The following GABBR2 variants were observed in gnomAD, a reference collection of about 807,000 sequenced individuals.
The protein encoded by GABBR2 is gamma-aminobutyric acid type B receptor subunit 2.
In GABBR2, 23 loss-of-function variants were observed where a neutral mutation model predicts 105.6. That is an observed-to-expected ratio of 0.22 (90% CI 0.16 to 0.31). GABBR2 has a LOEUF of 0.31. Among genes scored for constraint, GABBR2 ranks in the 10% least tolerant of loss-of-function variants. GABBR2 has a pLI of 1.00. For synonymous variants in GABBR2, 478 were observed against 499.7 expected, an observed-to-expected ratio of 0.96 and a Z score of 0.58; for missense variants, 734 against 1,245.5, an observed-to-expected ratio of 0.59 and a Z score of 6.18.
chr9:98,438,092 CCA>C (rs1825960410), intron 7 of GABBR2, among the ~76,000 whole-genome samples: 2 of 150,320 alleles, frequency 1.3e-5, no homozygotes, highest in Non-Finnish European at 3.0e-5. Flanking sequence ...ATCTATCCAT[CCA>C]TCCATCCATC....
chr9:98,520,765 T>C (rs1827850228), intron 3 of GABBR2, among the ~76,000 whole-genome samples: 1 of 152,166 alleles, frequency 6.6e-6, no homozygotes, highest in Non-Finnish European at 1.5e-5. Flanking sequence ...TCCATCAATA[T>C]TGCTGAAGGC....
intron 1 of GABBR2, among the ~76,000 whole-genome samples, chr9:98,643,075 GT>G (rs1339001016): frequency 6.6e-6 from 1 of 152,236 alleles, no homozygotes; most frequent in Non-Finnish European, 1.5e-5. Flanking sequence ...GGGTAATGAA[GT>G]GGAAAAGTGA....
chr9:98,463,049 C>T (rs766598949), intron 6 of GABBR2, among the ~76,000 whole-genome samples: 13 of 151,986 alleles, frequency 8.6e-5, no homozygotes, highest in Admixed American at 2.6e-4. Context: ...CCATCATGCC[C>T]GGCTAATTTT....
At chr9:98,381,836 C>T (rs1831982363) in intron 11 of GABBR2, among the ~76,000 whole-genome samples, 1 of 152,158 alleles carries the variant, frequency 6.6e-6, no homozygotes, top group African/African-American at 2.4e-5. Context: ...CCAGGACAAC[C>T]TTCCCCTCAC....
At chr9:98,622,708 C>G (rs1342288592) in intron 1 of GABBR2, among the ~76,000 whole-genome samples, 3 of 152,204 alleles carry the variant, frequency 2.0e-5, no homozygotes, top group Non-Finnish European at 4.4e-5. Context: ...CCCATGTGGC[C>G]TGCCCTGGGG....
chr9:98,326,457 C>T (rs1477305464), intron 13 of GABBR2, among the ~76,000 whole-genome samples: 2 of 152,224 alleles, frequency 1.3e-5, no homozygotes, highest in East Asian at 1.9e-4. Flanking sequence ...CCCATCTGCT[C>T]ATGCATATTC....
At chr9:98,665,677 A>C (rs1287835636) in intron 1 of GABBR2, among the ~76,000 whole-genome samples, 2 of 152,176 alleles carry the variant, frequency 1.3e-5, no homozygotes, top group African/African-American at 2.4e-5. Flanking sequence ...AGAGAACTAG[A>C]TGCTGCTTGA....
Position 98,552,727 on chromosome 9 carries a change from G to A in GABBR2, c.460-10684C>T, listed in dbSNP as rs368346974. Among the ~76,000 whole-genome samples the A allele has an allele frequency of 4.7e-4, 72 of 152,302 alleles. 1 individual carries two copies. The East Asian group carries it at 0.013, about 28-fold the overall frequency. On this transcript the variant is annotated intron_variant, in intron 2 of 18. Coordinates refer to ENST00000259455, the MANE Select transcript of GABBR2 (RefSeq NM_005458.8). ...CTGGGGTATCGTGCATAGACTGGCT[G>A]TAAGATTTTAAATCTCTTTAGTCAG...
rs1830549612 is a variant in GABBR2 at position 98,306,272 on chromosome 9, C to T, written c.2078G>A (p.Gly693Glu). Reference protein sequence around the residue: ...IPALNDSKYIGMSVYNVGIMC... With the variant: ...IPALNDSKYIEMSVYNVGIMC... The stretch of plus-strand genomic sequence containing the variant: ...GATCCCCACGTTGTAGACACTCATC[C>T]CGATGTACTTGCTGTCGTTGAGTGC... The change falls in exon 15 of 19, where the codon GGG becomes GAG. Residue 693 changes from glycine to glutamate, a missense_variant. By Grantham distance (98) the Gly-to-Glu change is moderately conservative. Around this residue, in one of 7 missense-constraint regions of GABBR2, gnomAD observed 91 missense variants for 185.9 expected, o/e 0.49. Transcript: ENST00000259455. The surrounding 1 kb of genome is among the most constrained non-coding windows in gnomAD (Gnocchi z 5.4). 1 of 1,614,008 alleles carries T rather than the reference C, an allele frequency of 6.2e-7. No homozygotes were observed. The highest frequency in any genetic ancestry group is 1.3e-5 in the African/African-American group (1 of 74,902).
At chr9:98,708,133 C>G (rs1236321777) in intron 1 of GABBR2, among the ~76,000 whole-genome samples, 2 of 152,168 alleles carry the variant, frequency 1.3e-5, no homozygotes, top group East Asian at 1.9e-4. Flanking sequence ...ACTCCTTTTT[C>G]TCTGGTCAAA....
In GABBR2 at chr9:98,390,211, C is replaced by CCGAAAATA. The variant is rs762106418; in HGVS notation, c.1379-1215_1379-1208dup. ...CCAACATGGGGAAACCCCGTCTCTA[C>CCGAAAATA]CGAAAATACGAAAATAGCTGGGTGT... On this transcript the variant is annotated intron_variant, in intron 9 of 18. Transcript: ENST00000259455. 3.2e-4 allele frequency among the ~76,000 whole-genome samples: 48 copies of CCGAAAATA among 151,884 alleles called. 3 individuals are homozygous for CCGAAAATA. In the South Asian group the frequency reaches 0.01, roughly 32 times the overall value.
At chr9:98,620,099 G>T (rs1294348259) in intron 1 of GABBR2, among the ~76,000 whole-genome samples, 1 of 152,194 alleles carries the variant, frequency 6.6e-6, no homozygotes, top group East Asian at 1.9e-4. Context: ...GAGGCAGTCA[G>T]CAAATGCCAA....
At chr9:98,443,336 TTGA>T (rs1245396757) in intron 7 of GABBR2, among the ~76,000 whole-genome samples, 1 of 152,232 alleles carries the variant, frequency 6.6e-6, no homozygotes, top group Non-Finnish European at 1.5e-5. Context: ...TTTCCCTGAC[TTGA>T]TGAAGTCAAA....
chr9:98,451,289 A>G (rs926823970), intron 7 of GABBR2, among the ~76,000 whole-genome samples: 10 of 152,180 alleles, frequency 6.6e-5, no homozygotes, highest in Non-Finnish European at 1.0e-4. Context: ...TTTATATACC[A>G]GGCTCCATGT....
chr9:98,422,554 C>T (rs1832802153), intron 7 of GABBR2, among the ~76,000 whole-genome samples: 2 of 149,874 alleles, frequency 1.3e-5, no homozygotes, highest in African/African-American at 5.0e-5. Context: ...TGGAGGTGAC[C>T]TAGAGAGAAT....
intron 1 of GABBR2, among the ~76,000 whole-genome samples, chr9:98,665,367 G>C (rs1256572511): frequency 6.6e-6 from 1 of 152,092 alleles, no homozygotes; most frequent in African/African-American, 2.4e-5. Context: ...ACACTAAGAA[G>C]ACCTCTTCAG....
intron 2 of GABBR2, among the ~76,000 whole-genome samples, chr9:98,574,603 G>A (rs1828882851): frequency 6.6e-6 from 1 of 152,210 alleles, no homozygotes; most frequent in South Asian, 2.1e-4. Flanking sequence ...ACATAATATT[G>A]CTGTTTTAAG....
At chr9:98,497,930 C>G (rs1010846063) in intron 3 of GABBR2, among the ~76,000 whole-genome samples, 1 of 152,212 alleles carries the variant, frequency 6.6e-6, no homozygotes, top group Non-Finnish European at 1.5e-5. Context: ...ATTTTACACC[C>G]ATGTTCATAA....
intron 13 of GABBR2, among the ~76,000 whole-genome samples, chr9:98,342,941 C>CT (rs984836271): frequency 6.6e-6 from 1 of 152,174 alleles, no homozygotes. Context: ...TTAGGATTGA[C>CT]TTTTTTTCCC....
Sources: gnomAD v4.1 joint callset for allele counts (sites outside exome capture counted in the v4.1 genomes callset) on GRCh38, gnomAD v4.1.1 for gene constraint, gnomAD v4.1.1 regional missense constraint, Gnocchi (gnomAD v3.1) non-coding constraint, MANE v1.5 for transcripts, NCBI Gene and HGNC (gene_info 2026-07-23, HGNC 2026-07-21) for gene names.